Variants in EXOC6B observed in about 807,000 individuals in gnomAD.
EXOC6B encodes the protein exocyst complex component 6B.
Under a neutral mutation model 113.5 loss-of-function variants are expected in EXOC6B, and 54 were observed. The observed-to-expected ratio is 0.48, with a 90% CI of 0.38 to 0.60. The LOEUF is 0.60. Among genes scored for constraint, EXOC6B ranks in the 20% least tolerant of loss-of-function variants. The pLI is 0.00. For synonymous variants in EXOC6B, 357 were observed against 339.0 expected, an observed-to-expected ratio of 1.05 and a Z score of -0.58; for missense variants, 797 against 977.5, an observed-to-expected ratio of 0.82 and a Z score of 2.46.
At chr2:72,768,039 C>T (rs535594864) in intron 1 of EXOC6B, among the ~76,000 whole-genome samples, 2 of 147,908 alleles carry the variant, frequency 1.4e-5, no homozygotes, top group African/African-American at 2.5e-5. Context: ...ATCACATGAA[C>T]CCGGGAGGCA....
Position 72,401,126 on chromosome 2 carries a change from C to G in EXOC6B, c.1981-21256G>C, listed in dbSNP as rs188474769. Among the ~76,000 whole-genome samples the G allele has an allele frequency of 1.3e-4, 19 of 151,430 alleles. No individual in the cohort carries two copies. In the East Asian group the frequency reaches 2.8e-3, roughly 22 times the overall value. On this transcript the variant is annotated intron_variant, in intron 18 of 21. Coordinates refer to ENST00000272427, the MANE Select transcript of EXOC6B (RefSeq NM_015189.3). ...GATACAACATTTATGTTAATGAGCT[C>G]CAAGTGGAAGGACCTCAAAGAGATG... is the stretch of plus-strand genomic sequence containing the variant.
chr2:72,394,542 C>T (rs1692600676), intron 18 of EXOC6B, among the ~76,000 whole-genome samples: 1 of 152,042 alleles, frequency 6.6e-6, no homozygotes, highest in South Asian at 2.1e-4. Context: ...AATATTACTA[C>T]TGTATAAACC....
intron 18 of EXOC6B, among the ~76,000 whole-genome samples, chr2:72,451,246 G>C (rs1056106853): frequency 6.6e-6 from 1 of 152,116 alleles, no homozygotes; most frequent in African/African-American, 2.4e-5. Flanking sequence ...CCTTACAAAA[G>C]GTTCATGTCA....
intron 18 of EXOC6B, among the ~76,000 whole-genome samples, chr2:72,399,695 C>A (rs1693011753): frequency 6.6e-6 from 1 of 152,006 alleles, no homozygotes; most frequent in African/African-American, 2.4e-5. Flanking sequence ...TTTACAACAG[C>A]TACAAAATTA....
intron 8 of EXOC6B, among the ~76,000 whole-genome samples, chr2:72,543,756 T>C (rs1702746539): frequency 1.3e-5 from 2 of 152,172 alleles, no homozygotes; most frequent in Non-Finnish European, 2.9e-5. Context: ...ATCTCACCCT[T>C]AGTTTTTTCT....
intron 20 of EXOC6B, among the ~76,000 whole-genome samples, chr2:72,326,442 C>A (rs1454942991): frequency 2.6e-5 from 4 of 152,074 alleles, no homozygotes; most frequent in Admixed American, 2.0e-4. Flanking sequence ...TACCTAGGTC[C>A]CCTATGATAC....
intron 20 of EXOC6B, among the ~76,000 whole-genome samples, chr2:72,201,634 C>G (rs1679502763): frequency 6.6e-6 from 1 of 152,088 alleles, no homozygotes; most frequent in South Asian, 2.1e-4. Flanking sequence ...CTATGCCTAC[C>G]CTGACCAGAA....
chr2:72,724,598 A>C (rs1680196821), intron 5 of EXOC6B, among the ~76,000 whole-genome samples: 1 of 152,158 alleles, frequency 6.6e-6, no homozygotes, highest in African/African-American at 2.4e-5. Flanking sequence ...TACAACCAGG[A>C]AAAACAAAAT....
At chr2:72,808,045 T>C (rs1685676745) in intron 1 of EXOC6B, among the ~76,000 whole-genome samples, 1 of 152,202 alleles carries the variant, frequency 6.6e-6, no homozygotes, top group Admixed American at 6.5e-5. Flanking sequence ...TGCATGTCTG[T>C]GTCAAAACAT....
rs1191402994 is a variant in EXOC6B at position 72,345,955 on chromosome 2, C to A, written c.2123-10935G>T. On this transcript the variant is annotated intron_variant, in intron 19 of 21. Transcript: ENST00000272427. ...GCAGGGAGTATATTGGAACTCTGTACCTTCCACCCAATTTTGCTGGGAACC... is the reference window on the plus strand; with the variant it reads ...GCAGGGAGTATATTGGAACTCTGTAACTTCCACCCAATTTTGCTGGGAACC... Among the ~76,000 whole-genome samples the A allele has an allele frequency of 2.0e-5, 3 of 152,130 alleles. No homozygotes were observed. In the East Asian group the frequency reaches 5.8e-4, roughly 29 times the overall value.
At chr2:72,688,253 G>A (rs764608559) in intron 6 of EXOC6B, among the ~76,000 whole-genome samples, 1 of 152,130 alleles carries the variant, frequency 6.6e-6, no homozygotes, top group Non-Finnish European at 1.5e-5. Flanking sequence ...TCCCCCAGAA[G>A]GAGAATCTGA....
intron 7 of EXOC6B, among the ~76,000 whole-genome samples, chr2:72,567,654 G>A (rs1250341081): frequency 6.6e-6 from 1 of 152,020 alleles, no homozygotes; most frequent in Non-Finnish European, 1.5e-5. Context: ...TGATGCCAGG[G>A]CTAGGGCAGA....
chr2:72,345,969 T>A (rs1308054804), intron 19 of EXOC6B, among the ~76,000 whole-genome samples: 1 of 152,132 alleles, frequency 6.6e-6, no homozygotes, highest in Non-Finnish European at 1.5e-5. Context: ...CCACCCAATT[T>A]TGCTGGGAAC....
chr2:72,824,272 C>T (rs1686768782), intron 1 of EXOC6B, among the ~76,000 whole-genome samples: 1 of 151,882 alleles, frequency 6.6e-6, no homozygotes, highest in African/African-American at 2.4e-5. Flanking sequence ...AGCTGTAGTC[C>T]CAGCTACTCA....
intron 2 of EXOC6B, among the ~76,000 whole-genome samples, chr2:72,734,130 T>C (rs1461008418): frequency 6.6e-6 from 1 of 152,208 alleles, no homozygotes; most frequent in Non-Finnish European, 1.5e-5. Context: ...TAACTGAAGA[T>C]CTTCTCAAGG....
At chr2:72,393,464 A>G (rs1022308374) in intron 18 of EXOC6B, among the ~76,000 whole-genome samples, 3 of 152,018 alleles carry the variant, frequency 2.0e-5, no homozygotes, top group Non-Finnish European at 4.4e-5. Flanking sequence ...TCTAAATCCT[A>G]TACTTACAGA....
At chr2:72,372,689 CAA>C (rs893582703) in intron 19 of EXOC6B, among the ~76,000 whole-genome samples, 2 of 151,940 alleles carry the variant, frequency 1.3e-5, no homozygotes, top group Non-Finnish European at 2.9e-5. Flanking sequence ...ACTAAAAATA[CAA>C]AAAGATAGGC....
intron 20 of EXOC6B, among the ~76,000 whole-genome samples, chr2:72,265,456 C>A (rs62147631): frequency 0.038 from 5,610 of 149,160 alleles, 132 homozygotes; most frequent in Non-Finnish European, 0.051. Context: ...TCCTGTGTCC[C>A]TGTGTTTTCA....
chr2:72,202,892 T>C (rs1679574817), intron 20 of EXOC6B, among the ~76,000 whole-genome samples: 1 of 152,108 alleles, frequency 6.6e-6, no homozygotes, highest in African/African-American at 2.4e-5. Flanking sequence ...GGACAGAGGG[T>C]AGGGAGTTTA....
Sources: gnomAD v4.1 joint callset for allele counts (sites outside exome capture counted in the v4.1 genomes callset) on GRCh38, gnomAD v4.1.1 for gene constraint, MANE v1.5 for transcripts, NCBI Gene and HGNC (gene_info 2026-07-23, HGNC 2026-07-21) for gene names.